CPLX4: variants seen among roughly 807,000 people sequenced by gnomAD.
The protein encoded by CPLX4 is complexin 4.
Under a neutral mutation model 16.1 loss-of-function variants are expected in CPLX4, and 17 were observed. The observed-to-expected ratio is 1.06, with a 90% CI of 0.72 to 1.59. The LOEUF (loss-of-function observed/expected upper bound fraction) is 1.59. Among genes scored for constraint, CPLX4 ranks in the 40% most tolerant of loss-of-function variants. CPLX4 has a pLI of 0.00. For missense variants in CPLX4, 193 were observed against 192.9 expected, an observed-to-expected ratio of 1.00 and a Z score of 0.00; for synonymous variants, 55 against 57.8, an observed-to-expected ratio of 0.95 and a Z score of 0.22.
At chr18:59,297,469 G>A (rs1603391019) in intron 2 of CPLX4, among the ~76,000 whole-genome samples, 3 of 151,918 alleles carry the variant, frequency 2.0e-5, no homozygotes, top group South Asian at 2.1e-4. Flanking sequence ...TAGTAGAGAC[G>A]GGGTTTCACC....
intron 2 of CPLX4, among the ~76,000 whole-genome samples, chr18:59,306,246 C>A (rs774564242): frequency 6.6e-6 from 1 of 152,110 alleles, no homozygotes; most frequent in African/African-American, 2.4e-5. Context: ...TAGTGGTGTG[C>A]GATCCAAATC....
intron 2 of CPLX4, among the ~76,000 whole-genome samples, chr18:59,310,757 G>A (rs1185692553): frequency 5.3e-5 from 8 of 152,062 alleles, no homozygotes; most frequent in African/African-American, 1.4e-4. Context: ...AGGATACTGA[G>A]GCTCAGATTT....
intron 1 of CPLX4, among the ~76,000 whole-genome samples, chr18:59,316,473 G>A (rs78958077): frequency 0.028 from 4,298 of 152,130 alleles, 218 homozygotes; most frequent in African/African-American, 0.097. Flanking sequence ...CGTTTATCTT[G>A]TGATGAATTA....
chr18:59,309,822 C>CAAAAAAA (rs369580193), intron 2 of CPLX4, among the ~76,000 whole-genome samples: 7 of 86,974 alleles, frequency 8.0e-5, no homozygotes, highest in African/African-American at 1.7e-4. Context: ...GACTCTGTGT[C>CAAAAAAA]AAAAAAAAAA....
intron 2 of CPLX4, among the ~76,000 whole-genome samples, chr18:59,309,570 T>G (rs2070601218): frequency 6.6e-6 from 1 of 152,066 alleles, no homozygotes; most frequent in African/African-American, 2.4e-5. Context: ...ACGCCTATAA[T>G]CCCAGCACTT....
At chr18:59,315,911 C>T (rs371078196) in intron 1 of CPLX4, among the ~76,000 whole-genome samples, 79 of 152,276 alleles carry the variant, frequency 5.2e-4, no homozygotes, top group African/African-American at 1.9e-3. Flanking sequence ...CTACAAATCA[C>T]GCAGAAAAGC....
chr18:59,306,856 T>A (rs1331102879), intron 2 of CPLX4, among the ~76,000 whole-genome samples: 1 of 152,126 alleles, frequency 6.6e-6, no homozygotes, highest in East Asian at 1.9e-4. Flanking sequence ...ACCCAGGGGG[T>A]CATCCCTCAT....
At chr18:59,301,082 G>A (rs1395870438) in intron 2 of CPLX4, among the ~76,000 whole-genome samples, 1 of 152,312 alleles carries the variant, frequency 6.6e-6, no homozygotes. Flanking sequence ...AGGGCCTTAG[G>A]ACCTTGGGTG....
intron 2 of CPLX4, among the ~76,000 whole-genome samples, chr18:59,301,387 G>A (rs1239015521): frequency 6.6e-6 from 1 of 152,224 alleles, no homozygotes; most frequent in Non-Finnish European, 1.5e-5. Context: ...GGCAGCAATG[G>A]GTGTACTCGA....
intron 1 of CPLX4, among the ~76,000 whole-genome samples, chr18:59,313,911 C>G (rs1297878435): frequency 6.6e-6 from 1 of 152,234 alleles, no homozygotes; most frequent in Non-Finnish European, 1.5e-5. Flanking sequence ...GGTGAACTAT[C>G]TTTGCATAAA....
intron 2 of CPLX4, among the ~76,000 whole-genome samples, chr18:59,300,402 G>C (rs1362002877): frequency 6.6e-6 from 1 of 152,158 alleles, no homozygotes; most frequent in Non-Finnish European, 1.5e-5. Flanking sequence ...CCTATTGTCA[G>C]AGAGGATAAC....
intron 2 of CPLX4, among the ~76,000 whole-genome samples, chr18:59,303,635 T>A (rs2070556492): frequency 2.6e-5 from 4 of 152,166 alleles, no homozygotes; most frequent in Admixed American, 2.6e-4. Context: ...ACTTTCCCTC[T>A]CTGAGCAGGC....
At chr18:59,304,556 T>C (rs887277875) in intron 2 of CPLX4, among the ~76,000 whole-genome samples, 1 of 152,172 alleles carries the variant, frequency 6.6e-6, no homozygotes, top group Non-Finnish European at 1.5e-5. Flanking sequence ...GTTGACACTT[T>C]GTTCTTTGGG....
chr18:59,309,114 CA>C (rs2070598589), intron 2 of CPLX4, among the ~76,000 whole-genome samples: 1 of 152,188 alleles, frequency 6.6e-6, no homozygotes, highest in Non-Finnish European at 1.5e-5. Flanking sequence ...TTTTTCTTAT[CA>C]TATAGTTTTA....
At chr18:59,309,241 T>G (rs1377975265) in intron 2 of CPLX4, among the ~76,000 whole-genome samples, 1 of 152,204 alleles carries the variant, frequency 6.6e-6, no homozygotes, top group South Asian at 2.1e-4. Context: ...GGCACGGTTT[T>G]GAAACATTGT....
At chr18:59,316,175 C>G (rs971056294) in intron 1 of CPLX4, among the ~76,000 whole-genome samples, 1 of 152,104 alleles carries the variant, frequency 6.6e-6, no homozygotes, top group African/African-American at 2.4e-5. Flanking sequence ...GCGGGAGAAA[C>G]AGACTATTGT....
In CPLX4 at chr18:59,318,482, T is replaced by C. The variant is rs1308023811; in HGVS notation, c.-20A>G. On this transcript the variant is annotated 5_prime_UTR_variant, in exon 1 of 3. Coordinates refer to ENST00000299721, the MANE Select transcript of CPLX4 (RefSeq NM_181654.4). Reference sequence around the variant, plus strand: ...AGCCATTTTCTCTGCCCCAGAAAAATAAAACCAAAATTCAGACAAAAGCTG... The same window carrying C: ...AGCCATTTTCTCTGCCCCAGAAAAACAAAACCAAAATTCAGACAAAAGCTG... The C allele has an allele frequency of 1.3e-6, 2 of 1,571,312 alleles. No individual in the cohort carries two copies. Among genetic ancestry groups the C allele is most frequent in the South Asian group, 2.4e-5 (2 of 84,632 alleles).
At chr18:59,317,767 T>C (rs568980774) in intron 1 of CPLX4, among the ~76,000 whole-genome samples, 1 of 152,168 alleles carries the variant, frequency 6.6e-6, no homozygotes, top group East Asian at 1.9e-4. Context: ...AATCCATTCA[T>C]AGTCTTTGAT....
chr18:59,313,233 C>T (rs1408141699), intron 1 of CPLX4, among the ~76,000 whole-genome samples: 1 of 152,152 alleles, frequency 6.6e-6, no homozygotes, highest in Non-Finnish European at 1.5e-5. Context: ...AATAGGGCCA[C>T]AGTGTCCAGA....
Sources: gnomAD v4.1 joint callset for allele counts (sites outside exome capture counted in the v4.1 genomes callset) on GRCh38, gnomAD v4.1.1 for gene constraint, MANE v1.5 for transcripts, NCBI Gene and HGNC (gene_info 2026-07-23, HGNC 2026-07-21) for gene names.